The following PIGK variants were observed in gnomAD, a reference collection of about 807,000 sequenced individuals.
PIGK encodes GPI-anchor transamidase.
Under a neutral mutation model 50.6 loss-of-function variants are expected in PIGK, and 42 were observed. The observed-to-expected ratio is 0.83, with a 90% CI of 0.65 to 1.07. The LOEUF (loss-of-function observed/expected upper bound fraction) is 1.07. PIGK is among the 50% of genes least tolerant of loss of function. PIGK has a pLI of 0.00. For synonymous variants in PIGK, 151 were observed against 156.0 expected (o/e 0.97, Z 0.24); for missense variants, 448 against 488.7 (o/e 0.92, Z 0.78).
At chr1:77,161,822 G>C in intron 6 of PIGK, 111 bp from the exon 7 acceptor site, 1 of 667,932 alleles carries the variant, frequency 1.5e-6, no homozygotes, top group Non-Finnish European at 2.7e-6. Flanking sequence ...CATTTCATTA[G>C]CTAAAAGTTT....
intron 8 of PIGK, among the ~76,000 whole-genome samples, chr1:77,157,862 G>C (rs1259833887): frequency 6.6e-6 from 1 of 152,084 alleles, no homozygotes; most frequent in East Asian, 1.9e-4. Flanking sequence ...AAGATCTGAT[G>C]GTTTTATAGC....
Position 77,166,169 on chromosome 1 carries a change from T to C in PIGK, c.487+550A>G, listed in dbSNP as rs570967758. ...TAATACATATGATAACTATATTATA[T>C]TATGGTACACTTTATCTCCAATATT... On this transcript the variant is annotated intron_variant, in intron 5 of 10. Transcript: ENST00000370812. Among the ~76,000 whole-genome samples, 13 of 152,306 alleles carry C rather than the reference T, an allele frequency of 8.5e-5. No homozygotes were observed. The South Asian group carries it at 2.7e-3, about 32-fold the overall frequency.
intron 8 of PIGK, among the ~76,000 whole-genome samples, 170 bp downstream of exon 8, chr1:77,161,125 A>C (rs1468475804): frequency 1.3e-5 from 2 of 152,228 alleles, no homozygotes; most frequent in Non-Finnish European, 2.9e-5. Flanking sequence ...CCTCTTGTAG[A>C]GAGACAGAGA....
intron 10 of PIGK, among the ~76,000 whole-genome samples, chr1:77,120,975 T>A (rs1417480872): frequency 6.6e-6 from 1 of 152,224 alleles, no homozygotes; most frequent in African/African-American, 2.4e-5. Context: ...CCAGGTAGTT[T>A]ATTGGTTCAT....
intron 3 of PIGK, among the ~76,000 whole-genome samples, chr1:77,199,604 A>G (rs969770769): frequency 9.9e-5 from 15 of 151,962 alleles, no homozygotes; most frequent in African/African-American, 3.6e-4. Context: ...TAAATGTAAA[A>G]TACATTTAGA....
At chr1:77,116,702 A>T (rs1172090938) in intron 10 of PIGK, among the ~76,000 whole-genome samples, 2 of 152,008 alleles carry the variant, frequency 1.3e-5, no homozygotes, top group African/African-American at 2.4e-5. Context: ...AAGAACAGAG[A>T]GACTCCTGGG....
chr1:77,175,224 T>C (rs573062708), intron 3 of PIGK, among the ~76,000 whole-genome samples: 16 of 152,330 alleles, frequency 1.1e-4, no homozygotes, highest in African/African-American at 2.6e-4. Flanking sequence ...TTGGAAATGA[T>C]AGATTCTAGA....
intron 10 of PIGK, among the ~76,000 whole-genome samples, chr1:77,098,362 T>C (rs1557790729): frequency 6.6e-6 from 1 of 151,882 alleles, no homozygotes; most frequent in Non-Finnish European, 1.5e-5. Flanking sequence ...AGACAGGGTC[T>C]TTGTCACACA....
intron 10 of PIGK, among the ~76,000 whole-genome samples, chr1:77,113,988 CTT>C (rs1653910174): frequency 6.6e-6 from 1 of 152,110 alleles, no homozygotes; most frequent in East Asian, 1.9e-4. Context: ...AGGTGACTCT[CTT>C]TAGCCCAGTA....
rs1424159817 is a variant in PIGK, at chr1:77,166,699, A to T, written c.487+20T>A. On this transcript the variant is annotated intron_variant, in intron 5 of 10. Coordinates refer to ENST00000370812, the MANE Select transcript of PIGK (RefSeq NM_005482.3). The stretch of plus-strand genomic sequence containing the variant: ...AGTTTCAATATACTCTACTATAAAA[A>T]CTCTAAATTATGAAATTACCTGTCA... 1 of 1,220,792 alleles carries T rather than the reference A, an allele frequency of 8.2e-7. No homozygotes were observed. The highest frequency in any genetic ancestry group is 1.5e-5 in the African/African-American group (1 of 65,698). 75.6% of individuals were successfully genotyped at this position (1,220,792 alleles called of 1,614,324 possible).
chr1:77,150,463 T>C (rs1098132), intron 9 of PIGK, among the ~76,000 whole-genome samples: 31,329 of 148,880 alleles, frequency 0.21, 4,575 homozygotes, highest in African/African-American at 0.42. Context: ...CCAGACTAGC[T>C]TGAGCAACAG....
chr1:77,166,080 A>G (rs953765287), intron 5 of PIGK, among the ~76,000 whole-genome samples: 1 of 152,202 alleles, frequency 6.6e-6, no homozygotes, highest in Non-Finnish European at 1.5e-5. Context: ...GAGAATTAGA[A>G]AAAGTATTAA....
intron 10 of PIGK, among the ~76,000 whole-genome samples, chr1:77,112,028 G>A (rs1653860045): frequency 6.6e-6 from 1 of 151,836 alleles, no homozygotes; most frequent in Admixed American, 6.6e-5. Flanking sequence ...TCTTTTAAAG[G>A]AAAATCTGTG....
chr1:77,104,834 G>A (rs1653628526), intron 10 of PIGK, among the ~76,000 whole-genome samples: 1 of 152,214 alleles, frequency 6.6e-6, no homozygotes, highest in African/African-American at 2.4e-5. Flanking sequence ...GCAGCACCCA[G>A]GTGAGGGTGC....
chr1:77,159,109 T>C (rs1655076106), intron 8 of PIGK, among the ~76,000 whole-genome samples: 3 of 152,100 alleles, frequency 2.0e-5, no homozygotes, highest in Non-Finnish European at 4.4e-5. Context: ...CTGTGCAGTC[T>C]AGGGACTTGA....
chr1:77,153,195 CTTG>C (rs932204462), intron 9 of PIGK, among the ~76,000 whole-genome samples: 15 of 152,044 alleles, frequency 9.9e-5, no homozygotes, highest in Non-Finnish European at 1.5e-5. Flanking sequence ...AGAATGAAAT[CTTG>C]TTATTTGTAA....
chr1:77,195,136 T>C, intron 3 of PIGK: 1 of 1,222,862 alleles, frequency 8.2e-7, no homozygotes, highest in Non-Finnish European at 1.2e-6. Flanking sequence ...TGATTCAGAG[T>C]TCATGAATAT....
chr1:77,104,897 G>A (rs1557792537), intron 10 of PIGK, among the ~76,000 whole-genome samples: 1 of 152,172 alleles, frequency 6.6e-6, no homozygotes, highest in East Asian at 1.9e-4. Flanking sequence ...TAGTTCTGCT[G>A]TCTGTAGACA....
intron 10 of PIGK, among the ~76,000 whole-genome samples, chr1:77,102,384 G>A (rs1231923188): frequency 6.6e-6 from 1 of 152,184 alleles, no homozygotes; most frequent in East Asian, 1.9e-4. Flanking sequence ...AAAATAGTGA[G>A]ATTATACTGG....
Sources: allele counts gnomAD v4.1 joint callset (sites outside exome capture counted in the v4.1 genomes callset), GRCh38; gene constraint gnomAD v4.1.1; transcripts MANE v1.5; gene names NCBI Gene and HGNC (gene_info 2026-07-23, HGNC 2026-07-21).